The following CERKL variants were observed in gnomAD, a reference collection of about 807,000 sequenced individuals.
The protein encoded by CERKL is ceramide kinase-like protein.
Under a neutral mutation model 63.4 loss-of-function variants are expected in CERKL, and 61 were observed. That is an observed-to-expected ratio of 0.96 (90% CI 0.78 to 1.19). The LOEUF (loss-of-function observed/expected upper bound fraction) is 1.19, where lower values mean the gene tolerates loss of function less well. Among genes scored for constraint, CERKL ranks in the 50% most tolerant of loss-of-function variants. The pLI is 0.00. For synonymous variants in CERKL, 250 were observed against 230.5 expected, an observed-to-expected ratio of 1.08 and a Z score of -0.77; for missense variants, 675 against 655.5, an observed-to-expected ratio of 1.03 and a Z score of -0.33.
At chr2:181,545,827 T>A (rs988630548) in intron 10 of CERKL, among the ~76,000 whole-genome samples, 6 of 152,190 alleles carry the variant, frequency 3.9e-5, no homozygotes, top group Non-Finnish European at 7.3e-5. Flanking sequence ...CACTATCCTA[T>A]GCCTGCTTTG....
Position 181,537,213 on chromosome 2 carries a change from ACTGTCTTCTCCAG to A in CERKL, c.*958_*970del, listed in dbSNP as rs1559063095. The A allele has an allele frequency of 6.6e-6, 3 of 453,902 alleles. No individual in the cohort carries two copies. Among genetic ancestry groups the A allele is most frequent in the Non-Finnish European group, 1.3e-5 (3 of 226,722 alleles). The allele number at this position is 453,902 out of a possible 1,614,324, so 28.1% of individuals were successfully genotyped here. ...ATGAAAAATCAAGCCCCGATTTAGAACTGTCTTCTCCAGGATGGTCTCTAAGGAAATTTACATT... is the reference window on the plus strand; with the variant it reads ...ATGAAAAATCAAGCCCCGATTTAGAAGATGGTCTCTAAGGAAATTTACATT... On this transcript the variant is annotated 3_prime_UTR_variant, in exon 13 of 13. Transcript: ENST00000410087.
chr2:181,571,121 A>G (rs922882535), intron 3 of CERKL, among the ~76,000 whole-genome samples: 8 of 152,198 alleles, frequency 5.3e-5, no homozygotes, highest in African/African-American at 1.9e-4. Context: ...ACACTGTAAG[A>G]TAGGCAGGAA....
intron 1 of CERKL, among the ~76,000 whole-genome samples, chr2:181,644,667 T>G (rs1419363968): frequency 6.6e-6 from 1 of 152,044 alleles, no homozygotes; most frequent in East Asian, 1.9e-4. Context: ...AACGCAAAGT[T>G]GAAAAGAACC....
At chr2:181,625,132 G>A (rs1195804781) in intron 1 of CERKL, among the ~76,000 whole-genome samples, 6 of 152,126 alleles carry the variant, frequency 3.9e-5, no homozygotes, top group Admixed American at 3.3e-4. Context: ...GCCCAATGGG[G>A]TAGGAGGAGA....
At chr2:181,608,927 G>A (rs937780777) in intron 1 of CERKL, among the ~76,000 whole-genome samples, 22 of 152,012 alleles carry the variant, frequency 1.4e-4, no homozygotes, top group African/African-American at 5.1e-4. Context: ...AGGTATAATG[G>A]AGATAAAAAA....
chr2:181,608,960 T>C (rs112469832), intron 1 of CERKL, among the ~76,000 whole-genome samples: 340 of 152,264 alleles, frequency 2.2e-3, no homozygotes, highest in African/African-American at 7.6e-3. Context: ...AATTAGCATA[T>C]TATATCTAGG....
At chr2:181,641,067 C>G (rs1687399101) in intron 1 of CERKL, among the ~76,000 whole-genome samples, 1 of 152,102 alleles carries the variant, frequency 6.6e-6, no homozygotes, top group African/African-American at 2.4e-5. Context: ...TCAGAGTACA[C>G]AGACTAAGAG....
chr2:181,653,158 A>C (rs988851208), intron 1 of CERKL, among the ~76,000 whole-genome samples: 3 of 152,236 alleles, frequency 2.0e-5, no homozygotes, highest in African/African-American at 7.2e-5. Flanking sequence ...CATTTAAAAG[A>C]TACTTGACAT....
intron 2 of CERKL, 59 bp downstream of exon 2, chr2:181,603,778 A>G: frequency 1.3e-6 from 2 of 1,537,730 alleles, no homozygotes; most frequent in African/African-American, 1.4e-5. Flanking sequence ...ACATGTCTAG[A>G]TTAATCATGT....
chr2:181,589,646 T>G (rs540750706), intron 2 of CERKL, among the ~76,000 whole-genome samples: 365 of 152,272 alleles, frequency 2.4e-3, no homozygotes, highest in African/African-American at 8.3e-3. Flanking sequence ...ATCAATACCT[T>G]CTACCATACA....
chr2:181,554,511 CTGGAT>C (rs934794252), intron 5 of CERKL, among the ~76,000 whole-genome samples: 5 of 152,106 alleles, frequency 3.3e-5, no homozygotes, highest in African/African-American at 1.2e-4. Flanking sequence ...TTTACAACAA[CTGGAT>C]TGCTTTTTTA....
intron 3 of CERKL, among the ~76,000 whole-genome samples, chr2:181,573,515 T>C (rs1353223010): frequency 7.9e-5 from 12 of 152,130 alleles, no homozygotes; most frequent in Non-Finnish European, 1.8e-4. Flanking sequence ...TATCTAACAA[T>C]TGTTTAAGTC....
chr2:181,606,040 G>A (rs766636154), intron 1 of CERKL, among the ~76,000 whole-genome samples: 2 of 147,490 alleles, frequency 1.4e-5, no homozygotes, highest in African/African-American at 5.0e-5. Context: ...AAAGAGAGAA[G>A]GCAAGTAAAA....
At chr2:181,572,808 A>ATTTTTTTTT (rs1688967334) in intron 3 of CERKL, among the ~76,000 whole-genome samples, 1 of 77,930 alleles carries the variant, frequency 1.3e-5, no homozygotes, top group African/African-American at 6.6e-5. Flanking sequence ...ACTTTCTTCT[A>ATTTTTTTTT]CCTCAATCCA....
rs1314499753 is a variant in CERKL, at chr2:181,538,210, T to A, written c.1573A>T (p.Ser525Cys). ...HPRLISLYGGSMEEMIPK is the reference protein window; with the variant it reads ...HPRLISLYGGCMEEMIPK ...TACTTTGGAATCATTTCTTCCATGC[T>A]TCCTCCATAAAGACTGATAAGTCTT... The change falls in exon 13 of 13, where the codon AGC becomes TGC. Residue 525 changes from serine (S) to cysteine (C), a missense_variant. Ser to Cys is a moderately radical substitution (Grantham distance 112). Transcript: ENST00000410087. 2.5e-6 allele frequency: 4 copies of A among 1,587,158 alleles called. No homozygotes were observed. The highest frequency in any genetic ancestry group is 3.5e-6 in the Non-Finnish European group (4 of 1,156,546).
chr2:181,559,591 A>G (rs1158337366), intron 4 of CERKL, among the ~76,000 whole-genome samples: 2 of 152,176 alleles, frequency 1.3e-5, no homozygotes, highest in Admixed American at 6.6e-5. Flanking sequence ...GTGAGGCCTA[A>G]TGGACCCAGA....
intron 1 of CERKL, among the ~76,000 whole-genome samples, chr2:181,607,155 T>C (rs908953685): frequency 6.6e-6 from 1 of 152,234 alleles, no homozygotes; most frequent in African/African-American, 2.4e-5. Flanking sequence ...CCATAGCTTC[T>C]GGAAAACTCC....
Position 181,547,762 on chromosome 2 carries a change from A to G in CERKL, c.1160-36T>C, listed in dbSNP as rs575397538. ...TGAAAGTGATTGGTTATTTTCCCTCACCAGAACAAAATGTCAACAGAACCT... is the reference window on the plus strand; with the variant it reads ...TGAAAGTGATTGGTTATTTTCCCTCGCCAGAACAAAATGTCAACAGAACCT... On this transcript the variant is annotated intron_variant, in intron 9 of 12. Coordinates refer to ENST00000410087, the MANE Select transcript of CERKL (RefSeq NM_201548.5). 1.9e-6 allele frequency: 3 copies of G among 1,613,666 alleles called. No individual in the cohort carries two copies. The African/African-American group carries it at 4.0e-5, about 22-fold the overall frequency.
chr2:181,590,708 A>G (rs1361581307), intron 2 of CERKL, among the ~76,000 whole-genome samples: 5 of 152,234 alleles, frequency 3.3e-5, no homozygotes, highest in Non-Finnish European at 7.3e-5. Context: ...TATTAAAACT[A>G]TATTGATATA....
Sources: gnomAD v4.1 joint callset for allele counts (sites outside exome capture counted in the v4.1 genomes callset) on GRCh38, gnomAD v4.1.1 for gene constraint, MANE v1.5 for transcripts, NCBI Gene and HGNC (gene_info 2026-07-23, HGNC 2026-07-21) for gene names.